HIRA: variants seen among roughly 807,000 people sequenced by gnomAD.
HIRA encodes the protein protein HIRA.
In HIRA, 13 loss-of-function variants were observed where a neutral mutation model predicts 126.6. The observed-to-expected ratio is 0.10, with a 90% CI of 0.07 to 0.16. HIRA has a LOEUF of 0.16. Ranked by LOEUF, HIRA falls within the 10% of genes least tolerant of loss-of-function variation. The pLI, the probability that HIRA is intolerant of heterozygous loss-of-function variation, is 1.00. For synonymous variants in HIRA, 511 were observed against 520.0 expected, an observed-to-expected ratio of 0.98 and a Z score of 0.24; for missense variants, 834 against 1,314.4, an observed-to-expected ratio of 0.63 and a Z score of 5.65.
chr22:19,373,937 T>TTTTTTTTTTTTTTTTTTTGACG (rs71186604), intron 15 of HIRA, among the ~76,000 whole-genome samples: 2 of 151,520 alleles, frequency 1.3e-5, no homozygotes, highest in Non-Finnish European at 1.5e-5. Context: ...CTGGCTTTTT[T>TTTTTTTTTTTTTTTTTTTGACG]GTTCACTCTT....
rs775255840 is a variant in HIRA, at chr22:19,361,772, C to T, written c.1935G>A (p.Arg645=). The T allele has an allele frequency of 6.2e-7, 1 of 1,613,310 alleles. No homozygotes were observed. The change falls in exon 16 of 25, where the codon CGG becomes CGA. Residue 645 remains arginine (R), a synonymous_variant. Coordinates refer to ENST00000263208, the MANE Select transcript of HIRA (RefSeq NM_003325.4). ...GCATGAGACGAGAGTCCTTCCGAGGCCGCCCTTTCTTCTTCTTCTCTACTG... is the reference window on the plus strand; with the variant it reads ...GCATGAGACGAGAGTCCTTCCGAGGTCGCCCTTTCTTCTTCTTCTCTACTG... ...VETVEKKKKG[R]PRKDSRLMPV... is the part of the protein sequence containing the mutation.
At chr22:19,362,503 A>T (rs2088873458) in intron 15 of HIRA, among the ~76,000 whole-genome samples, 1 of 152,242 alleles carries the variant, frequency 6.6e-6, no homozygotes, top group Admixed American at 6.5e-5. Flanking sequence ...TCACTAAAAA[A>T]AATTTTTTAA....
chr22:19,417,259 T>C (rs904750954), intron 1 of HIRA, among the ~76,000 whole-genome samples: 1 of 151,950 alleles, frequency 6.6e-6, no homozygotes, highest in African/African-American at 2.4e-5. Flanking sequence ...CATGAAAAGA[T>C]GTCAACATCA....
intron 18 of HIRA, among the ~76,000 whole-genome samples, chr22:19,357,833 G>C (rs1827699595): frequency 6.6e-6 from 1 of 152,222 alleles, no homozygotes; most frequent in South Asian, 2.1e-4. Flanking sequence ...GGTCAGTTAA[G>C]GAAGGAGCTC....
chr22:19,361,839 G>A lies in HIRA; in HGVS notation c.1868C>T (p.Ala623Val), dbSNP rs1017132310. ...DSDEKVPLAK[A>V]SSLSKRKLEL... ...AAGTTTTCGCTTGGACAGTGAGGAA[G>A]CCTTAGCCAAAGGGACTTTCTCATC... Residue 623 changes from alanine to valine, a missense_variant, in exon 16 of 25, where the codon GCT (alanine) becomes GTT (valine). Physicochemically the swap from Ala to Val is moderately conservative, Grantham distance 64 (BLOSUM62 0). Around this residue, in one of 5 missense-constraint regions of HIRA, gnomAD observed 468 missense variants for 574.2 expected, o/e 0.82. Transcript: ENST00000263208. The A allele has an allele frequency of 3.0e-5, 49 of 1,614,058 alleles. No homozygotes were observed. The highest frequency in any genetic ancestry group is 4.2e-5 in the Non-Finnish European group (49 of 1,180,026).
intron 15 of HIRA, 74 bp downstream of exon 15, chr22:19,375,557 G>T (rs2089009778): frequency 6.6e-7 from 1 of 1,518,762 alleles, no homozygotes; most frequent in Non-Finnish European, 9.0e-7. Context: ...TGCTTGGTGG[G>T]AACACTGCCA....
At position 19,397,081 on chromosome 22, in the gene HIRA, C is replaced by T. The variant is rs143924115; in HGVS notation, c.494-134G>A. On this transcript the variant is annotated intron_variant, in intron 6 of 24. Transcript: ENST00000263208. Reference sequence around the variant, plus strand: ...GGCCAGCCCCCACACCAGACAGAAGCAGAAGGGCCTCCTCATTTGATCTCC... The same window carrying T: ...GGCCAGCCCCCACACCAGACAGAAGTAGAAGGGCCTCCTCATTTGATCTCC... 9.1e-3 allele frequency: 6,582 copies of T among 724,418 alleles called. 44 individuals are homozygous for T. The highest frequency in any genetic ancestry group is 0.047 in the Middle Eastern group (173 of 3,666). 44.9% of individuals were successfully genotyped at this position (724,418 alleles called of 1,614,324 possible).
At chr22:19,342,460 C>T (rs1262749049) in intron 24 of HIRA, among the ~76,000 whole-genome samples, 1 of 152,152 alleles carries the variant, frequency 6.6e-6, no homozygotes, top group Non-Finnish European at 1.5e-5. Context: ...GATCTCGGCT[C>T]ACTGGAACCT....
chr22:19,375,762 C>T lies in HIRA; in HGVS notation c.1644G>A (p.Leu548=). 1.9e-6 allele frequency: 3 copies of T among 1,614,078 alleles called. No homozygotes were observed. Among genetic ancestry groups the T allele is most frequent in the Non-Finnish European group, 1.7e-6 (2 of 1,180,022 alleles). ...ACGGGGTCGTTAACACAGAAGGTGA[C>T]AATGCAGCAGGAGTAGAGGTAGCAT... ...SMNATSTPAA[L]SPSVLTTPSK... The change falls in exon 15 of 25, where the codon TTG becomes TTA. Residue 548 remains leucine, a synonymous_variant. Transcript: ENST00000263208.
At position 19,396,950 on chromosome 22, in the gene HIRA, G is replaced by A. The variant is rs12160603; in HGVS notation, c.494-3C>T. 1.9e-6 allele frequency: 3 copies of A among 1,613,540 alleles called. No individual in the cohort carries two copies. The highest frequency in any genetic ancestry group is 2.7e-5 in the African/African-American group (2 of 74,998). On this transcript the variant is annotated splice_region_variant and splice_polypyrimidine_tract_variant and intron_variant, in intron 6 of 24. Transcript: ENST00000263208. Reference sequence around the variant, plus strand: ...ACCTCTCAGAGTAGCTAGAATTTCTGTGAAGAAAAAAGGAATGTGGAGAGG... The same window carrying A: ...ACCTCTCAGAGTAGCTAGAATTTCTATGAAGAAAAAAGGAATGTGGAGAGG...
At chr22:19,383,786 T>G in intron 12 of HIRA, 81 bp from the exon 13 acceptor site, 1 of 1,082,288 alleles carries the variant, frequency 9.2e-7, no homozygotes, top group Non-Finnish European at 1.4e-6. Flanking sequence ...GTCTCTTTTT[T>G]TCCTGGTGAT....
chr22:19,385,385 C>G (rs929110128), intron 12 of HIRA, 136 bp downstream of exon 12: 6 of 776,532 alleles, frequency 7.7e-6, no homozygotes, highest in African/African-American at 3.5e-5. Context: ...AAGGGGCCAA[C>G]AGGCCCGAGG....
chr22:19,393,363 TA>T (rs1195775901), intron 8 of HIRA, among the ~76,000 whole-genome samples: 3 of 152,220 alleles, frequency 2.0e-5, no homozygotes, highest in South Asian at 2.1e-4. Flanking sequence ...TATCTTTTTT[TA>T]TTTTTATTTT....
rs1208007908 is a variant in HIRA, at chr22:19,367,910, AAG to A, written c.1776-5981_1776-5980del. 3.3e-5 allele frequency among the ~76,000 whole-genome samples: 5 copies of A among 152,212 alleles called. No individual in the cohort carries two copies. In the South Asian group the frequency reaches 6.2e-4, roughly 19 times the overall value. ...TGTACTTTGGTCCTTATAAACATTA[AAG>A]AGAGGCACAACATAATGAATAGCTT... On this transcript the variant is annotated intron_variant, in intron 15 of 24. Transcript: ENST00000263208.
chr22:19,355,102 A>G (rs1368046036), intron 21 of HIRA, among the ~76,000 whole-genome samples: 2 of 152,036 alleles, frequency 1.3e-5, no homozygotes, highest in Non-Finnish European at 2.9e-5. Context: ...AAGAAGTCTC[A>G]GTGTGAATGT....
At chr22:19,382,338 T>C (rs1191082423) in intron 13 of HIRA, among the ~76,000 whole-genome samples, 1 of 152,040 alleles carries the variant, frequency 6.6e-6, no homozygotes, top group Non-Finnish European at 1.5e-5. Flanking sequence ...CACCTCCCCA[T>C]CCCACAGGCC....
At chr22:19,368,716 T>C (rs2088937311) in intron 15 of HIRA, among the ~76,000 whole-genome samples, 1 of 152,244 alleles carries the variant, frequency 6.6e-6, no homozygotes, top group South Asian at 2.1e-4. Context: ...GACTTTTATG[T>C]AACTATCGTT....
intron 24 of HIRA, among the ~76,000 whole-genome samples, chr22:19,342,645 C>T (rs2088644050): frequency 6.6e-6 from 1 of 152,208 alleles, no homozygotes; most frequent in Admixed American, 6.5e-5. Flanking sequence ...GCCTCAGCCT[C>T]CCAAAGTGCT....
rs782390506 is a variant in HIRA, at chr22:19,330,775, C to G, written c.*665G>C. On this transcript the variant is annotated 3_prime_UTR_variant, in exon 25 of 25. Transcript: ENST00000263208. ...ACCCCTTTGCCCCATTCCCCCAAAA[C>G]AGTCTCTTTTTACAAACATTTAAAA... is the stretch of plus-strand genomic sequence containing the variant. 6.3e-6 allele frequency: 1 copy of G among 159,212 alleles called. No homozygotes were observed. The highest frequency in any genetic ancestry group is 1.4e-5 in the Non-Finnish European group (1 of 71,902). The allele number at this position is 159,212 out of a possible 1,614,324, so 9.9% of individuals were successfully genotyped here.
Sources: gnomAD v4.1 joint callset for allele counts (sites outside exome capture counted in the v4.1 genomes callset) on GRCh38, gnomAD v4.1.1 for gene constraint, gnomAD v4.1.1 regional missense constraint, MANE v1.5 for transcripts, NCBI Gene and HGNC (gene_info 2026-07-23, HGNC 2026-07-21) for gene names.